Variants in FANK1 observed in about 807,000 individuals in gnomAD.
The protein encoded by FANK1 is fibronectin type 3 and ankyrin repeat domains protein 1.
FANK1 carries 44 observed loss-of-function variants against 45.3 expected under a neutral mutation model. The observed-to-expected ratio is 0.97, with a 90% CI of 0.76 to 1.25. The LOEUF (loss-of-function observed/expected upper bound fraction) is 1.25. FANK1 is among the 50% of genes most tolerant of loss of function. FANK1 has a pLI of 0.00. For synonymous variants in FANK1, 149 were observed against 152.5 expected (o/e 0.98, Z 0.17); for missense variants, 391 against 424.4 (o/e 0.92, Z 0.69).
At chr10:125,997,636 A>T in intron 6 of FANK1, 151 bp downstream of exon 6, 1 of 692,218 alleles carries the variant, frequency 1.4e-6, no homozygotes, top group South Asian at 2.0e-5. Flanking sequence ...GATGGTGATC[A>T]CAAAAGCTGG....
chr10:126,008,312 C>T (rs557738412), intron 7 of FANK1, 95 bp from the exon 8 acceptor site: 111 of 1,441,774 alleles, frequency 7.7e-5, no homozygotes, highest in African/African-American at 2.0e-4. Flanking sequence ...TATCTAAGTC[C>T]GGGTGTTGGG....
intron 1 of FANK1, among the ~76,000 whole-genome samples, chr10:125,945,959 C>T (rs951505323): frequency 2.0e-5 from 3 of 152,264 alleles, no homozygotes; most frequent in Non-Finnish European, 4.4e-5. Context: ...CCCTGACCCC[C>T]GAGCAGCCTA....
intron 1 of FANK1, among the ~76,000 whole-genome samples, chr10:125,901,765 T>A (rs1462082921): frequency 1.3e-5 from 2 of 152,238 alleles, no homozygotes; most frequent in Admixed American, 1.3e-4. Flanking sequence ...CTCTCTGATG[T>A]TATTCTATCT....
chr10:125,948,462 C>G (rs1948967329), intron 1 of FANK1, among the ~76,000 whole-genome samples: 1 of 152,086 alleles, frequency 6.6e-6, no homozygotes, highest in East Asian at 1.9e-4. Context: ...ATACAAACTA[C>G]CATCAGAGAA....
chr10:125,912,468 GTGTGTGTGTGTGTGTGTGTT>G (rs747025963), intron 1 of FANK1, among the ~76,000 whole-genome samples: 116 of 82,950 alleles, frequency 1.4e-3, no homozygotes, highest in African/African-American at 3.5e-3. Flanking sequence ...GTGTGTGTGT[GTGTGTGTGTGTGTGTGTGTT>G]TTTGAGATTA....
intron 1 of FANK1, among the ~76,000 whole-genome samples, chr10:125,921,267 G>A (rs1213924277): frequency 6.6e-6 from 1 of 152,270 alleles, no homozygotes; most frequent in East Asian, 1.9e-4. Flanking sequence ...TGTTCCTCTA[G>A]CATTGCTTTT....
At chr10:125,943,245 A>G (rs1185708796) in intron 1 of FANK1, among the ~76,000 whole-genome samples, 1 of 151,870 alleles carries the variant, frequency 6.6e-6, no homozygotes, top group Non-Finnish European at 1.5e-5. Context: ...GGAATCAGAC[A>G]TTTTTCATTT....
chr10:125,952,638 A>G (rs1949316745), intron 1 of FANK1, among the ~76,000 whole-genome samples: 1 of 151,872 alleles, frequency 6.6e-6, no homozygotes, highest in African/African-American at 2.4e-5. Context: ...CTGGATGAAA[A>G]TGTTCCTCGA....
At chr10:125,936,816 C>T (rs904675992) in intron 1 of FANK1, among the ~76,000 whole-genome samples, 5 of 152,116 alleles carry the variant, frequency 3.3e-5, no homozygotes, top group South Asian at 2.1e-4. Context: ...GTCTGTAATC[C>T]GAGCACTTAG....
At chr10:125,923,394 G>A (rs1251986055) in intron 1 of FANK1, among the ~76,000 whole-genome samples, 3 of 151,680 alleles carry the variant, frequency 2.0e-5, no homozygotes, top group Non-Finnish European at 4.4e-5. Context: ...CAGGAAGGTC[G>A]AGACTGCAGT....
At chr10:125,968,161 A>T (rs1348488347) in intron 1 of FANK1, among the ~76,000 whole-genome samples, 1 of 150,742 alleles carries the variant, frequency 6.6e-6, no homozygotes, top group Non-Finnish European at 1.5e-5. Flanking sequence ...GGGTCTCTCT[A>T]GGTTGCCTAG....
chr10:125,969,935 G>C (rs1015230730), intron 1 of FANK1, among the ~76,000 whole-genome samples: 8 of 152,158 alleles, frequency 5.3e-5, no homozygotes, highest in Non-Finnish European at 1.0e-4. Flanking sequence ...GAGAGCATGG[G>C]GTTGGGGGTA....
rs1952346131 is a variant in FANK1, at chr10:125,996,566, G to A, written c.415G>A (p.Val139Ile). ...TTTCCCAAGCCGTGTTAAGGTTGAT[G>A]TTCCCAATAAGTTTGGCTTTACCGC... ...ILQGGRVKVD[V>I]PNKFGFTALM... The change falls in exon 5 of 11, where the codon GTT (valine) becomes ATT (isoleucine). Residue 139 changes from valine (V) to isoleucine (I), a missense_variant. By Grantham distance (29) the Val-to-Ile change is conservative. Transcript: ENST00000368693. 6.2e-7 allele frequency: 1 copy of A among 1,614,132 alleles called. No individual in the cohort carries two copies. Among genetic ancestry groups the A allele is most frequent in the Non-Finnish European group, 8.5e-7 (1 of 1,180,010 alleles).
In FANK1 at chr10:126,008,904, C is replaced by T. The variant is rs559483941; in HGVS notation, c.850-150C>T. ...TGCTACCATACAGCTGCAGAGGAAG[C>T]GCTGTGCCTGCAGGCCATGCAAAGC... On this transcript the variant is annotated intron_variant, in intron 8 of 10. Coordinates refer to ENST00000368693, the MANE Select transcript of FANK1 (RefSeq NM_145235.5). The T allele has an allele frequency of 2.4e-4, 166 of 695,728 alleles. No individual in the cohort carries two copies. The East Asian group carries it at 2.8e-3, about 12-fold the overall frequency. 43.1% of individuals were successfully genotyped at this position (695,728 alleles called of 1,614,324 possible).
intron 1 of FANK1, among the ~76,000 whole-genome samples, chr10:125,966,984 C>T (rs1276658516): frequency 1.3e-5 from 2 of 152,172 alleles, no homozygotes; most frequent in Admixed American, 1.3e-4. Flanking sequence ...CCATTATAAT[C>T]ATAGCATCTT....
intron 6 of FANK1, among the ~76,000 whole-genome samples, chr10:125,999,187 T>A (rs1360308806): frequency 6.8e-6 from 1 of 147,320 alleles, no homozygotes; most frequent in Non-Finnish European, 1.5e-5. Context: ...GGCATGTATG[T>A]TAAAAAGTAT....
chr10:126,005,120 A>G, intron 7 of FANK1, 71 bp downstream of exon 7: 1 of 1,521,328 alleles, frequency 6.6e-7, no homozygotes, highest in Middle Eastern at 2.4e-4. Context: ...GGGGTCTGGC[A>G]GAAGCAGGGC....
At chr10:126,005,156 C>CT in intron 7 of FANK1, 107 bp downstream of exon 7, 1 of 1,367,056 alleles carries the variant, frequency 7.3e-7, no homozygotes, top group Non-Finnish European at 9.8e-7. Flanking sequence ...CTTAGAAATG[C>CT]TGGAGAAAGT....
At chr10:125,975,564 TTTGATATGC>T (rs1950805614) in intron 1 of FANK1, among the ~76,000 whole-genome samples, 1 of 152,230 alleles carries the variant, frequency 6.6e-6, no homozygotes. Context: ...TCTTTGTGGT[TTTGATATGC>T]TTGTTGGCCA....
Sources: gnomAD v4.1 joint callset for allele counts (sites outside exome capture counted in the v4.1 genomes callset) on GRCh38, gnomAD v4.1.1 for gene constraint, MANE v1.5 for transcripts, NCBI Gene and HGNC (gene_info 2026-07-23, HGNC 2026-07-21) for gene names.